ZNF503: variants seen among roughly 807,000 people sequenced by gnomAD.
ZNF503 encodes the protein NocA-like zinc finger 2.
ZNF503 carries 15 observed loss-of-function variants against 34.4 expected under a neutral mutation model. The ratio of observed to expected loss-of-function variants is 0.44; its 90% CI spans 0.29 to 0.67. The LOEUF (loss-of-function observed/expected upper bound fraction) is 0.67. Among genes scored for constraint, ZNF503 ranks in the 30% least tolerant of loss-of-function variants. The pLI, the probability that ZNF503 is intolerant of heterozygous loss-of-function variation, is 0.13. For missense variants in ZNF503, 1,007 were observed against 926.8 expected, an observed-to-expected ratio of 1.09 and a Z score of -1.12; for synonymous variants, 580 against 456.8, an observed-to-expected ratio of 1.27 and a Z score of -3.44.
chr10:75,365,320 G>A, the ZNF503 span, among the ~76,000 whole-genome samples: 1 of 152,080 alleles, frequency 6.6e-6, no homozygotes, highest in Admixed American at 6.5e-5. Flanking sequence ...GCTAATTTTT[G>A]TATTTTTAGT....
the ZNF503 span, among the ~76,000 whole-genome samples, chr10:75,388,328 A>G: frequency 2.0e-5 from 3 of 152,216 alleles, no homozygotes; most frequent in African/African-American, 7.2e-5. Flanking sequence ...TACTCCCACC[A>G]TGGCTGATTT....
At chr10:75,332,763 C>T in the ZNF503 span, among the ~76,000 whole-genome samples, 2 of 146,740 alleles carry the variant, frequency 1.4e-5, no homozygotes, top group Admixed American at 1.4e-4. Flanking sequence ...GTGGACACAG[C>T]ACATGTTTCA....
chr10:75,282,031 T>C, the ZNF503 span, among the ~76,000 whole-genome samples: 1 of 152,320 alleles, frequency 6.6e-6, no homozygotes, highest in South Asian at 2.1e-4. Flanking sequence ...ACACTGTCCA[T>C]TGCATATCCA....
chr10:75,354,759 A>C, the ZNF503 span, among the ~76,000 whole-genome samples: 1 of 152,180 alleles, frequency 6.6e-6, no homozygotes, highest in African/African-American at 2.4e-5. Context: ...ATCTTGAATG[A>C]AAGATCGCTG....
the ZNF503 span, among the ~76,000 whole-genome samples, chr10:75,292,381 C>A: frequency 6.6e-6 from 1 of 152,090 alleles, no homozygotes; most frequent in Non-Finnish European, 1.5e-5. Context: ...GTTGGGAAGG[C>A]CAAGCATGGA....
the ZNF503 span, among the ~76,000 whole-genome samples, chr10:75,290,098 A>G: frequency 6.6e-6 from 1 of 152,116 alleles, no homozygotes; most frequent in Non-Finnish European, 1.5e-5. Flanking sequence ...ACCGTGCAGA[A>G]TTTGGTTTTG....
chr10:75,334,788 T>G, the ZNF503 span, among the ~76,000 whole-genome samples: 1 of 152,266 alleles, frequency 6.6e-6, no homozygotes, highest in African/African-American at 2.4e-5. Flanking sequence ...CCCAGGAGAC[T>G]GCTGAAATCT....
At chr10:75,314,526 G>T in the ZNF503 span, among the ~76,000 whole-genome samples, 1 of 152,004 alleles carries the variant, frequency 6.6e-6, no homozygotes, top group Non-Finnish European at 1.5e-5. Context: ...CAATGAGAAA[G>T]AATGAAGAAA....
At chr10:75,357,462 G>A in the ZNF503 span, among the ~76,000 whole-genome samples, 1 of 152,092 alleles carries the variant, frequency 6.6e-6, no homozygotes, top group African/African-American at 2.4e-5. Flanking sequence ...GGGCTACAGA[G>A]AGCCACGATG....
chr10:75,299,420 A>T, the ZNF503 span, among the ~76,000 whole-genome samples: 1 of 152,084 alleles, frequency 6.6e-6, no homozygotes, highest in African/African-American at 2.4e-5. Flanking sequence ...GAACTTTCTG[A>T]GTATTACTGT....
At chr10:75,317,444 A>ATT in the ZNF503 span, among the ~76,000 whole-genome samples, 12 of 140,348 alleles carry the variant, frequency 8.6e-5, no homozygotes, top group African/African-American at 2.4e-4. Flanking sequence ...CACCTGGCTA[A>ATT]TTTTTTTTTT....
At chr10:75,383,488 G>A in the ZNF503 span, among the ~76,000 whole-genome samples, 1 of 152,222 alleles carries the variant, frequency 6.6e-6, no homozygotes, top group South Asian at 2.1e-4. Flanking sequence ...ACATGTCTTG[G>A]TGACTGCAAT....
the ZNF503 span, among the ~76,000 whole-genome samples, chr10:75,332,274 CAT>C: frequency 1.3e-5 from 2 of 152,004 alleles, no homozygotes; most frequent in Admixed American, 6.6e-5. Flanking sequence ...TTCAATTACA[CAT>C]ATGTTATGCC....
chr10:75,357,608 T>A, the ZNF503 span, among the ~76,000 whole-genome samples: 1 of 152,222 alleles, frequency 6.6e-6, no homozygotes, highest in African/African-American at 2.4e-5. Context: ...GAAAATGATA[T>A]TAGTACCTTT....
At position 75,398,075 on chromosome 10, in the gene ZNF503, T is replaced by A. The variant is rs992675629; in HGVS notation, c.*674A>T. On this transcript the variant is annotated 3_prime_UTR_variant, in exon 2 of 2. Transcript: ENST00000372524. ...CAGAATACATACAAAAAAATACCCATTCTCTTCGATGGTATACACCTTAAA... is the reference window on the plus strand; with the variant it reads ...CAGAATACATACAAAAAAATACCCAATCTCTTCGATGGTATACACCTTAAA... 2 of 152,562 alleles carry A rather than the reference T, an allele frequency of 1.3e-5. No individual in the cohort carries two copies. Among genetic ancestry groups the A allele is most frequent in the African/African-American group, 2.4e-5 (1 of 41,422 alleles). 9.5% of individuals were successfully genotyped at this position (152,562 alleles called of 1,614,324 possible).
chr10:75,382,548 G>T, the ZNF503 span: 1 of 528,416 alleles, frequency 1.9e-6, no homozygotes. Context: ...ATGGTGACTG[G>T]TGTCTCTTTC....
rs371913535 is a variant in ZNF503, at chr10:75,401,053, G to C, written c.315+52C>G. ...AGATCCCGAGAAAAAGAAAGCCCTA[G>C]GGTGGCAGCCAGGGTAGTGGTCCCA... On this transcript the variant is annotated intron_variant, in intron 1 of 1. Coordinates refer to ENST00000372524, the MANE Select transcript of ZNF503 (RefSeq NM_032772.6). The C allele has an allele frequency of 2.9e-4, 473 of 1,611,410 alleles. 2 individuals carry two copies. The African/African-American group carries it at 5.6e-3, about 19-fold the overall frequency.
chr10:75,377,459 T>G, the ZNF503 span, among the ~76,000 whole-genome samples: 2 of 152,106 alleles, frequency 1.3e-5, no homozygotes, highest in African/African-American at 4.8e-5. Context: ...GCTGGGGAGT[T>G]TTTCAGGGTC....
At chr10:75,357,491 C>A in the ZNF503 span, among the ~76,000 whole-genome samples, 1 of 152,086 alleles carries the variant, frequency 6.6e-6, no homozygotes, top group African/African-American at 2.4e-5. Context: ...GCATTCCAGC[C>A]TGGGCAACAG....
Sources: gnomAD v4.1 joint callset for allele counts (sites outside exome capture counted in the v4.1 genomes callset) on GRCh38, gnomAD v4.1.1 for gene constraint, MANE v1.5 for transcripts, NCBI Gene and HGNC (gene_info 2026-07-23, HGNC 2026-07-21) for gene names.